The following BMAL2 variants were observed in gnomAD, a reference collection of about 807,000 sequenced individuals.
BMAL2 encodes the protein basic helix-loop-helix ARNT-like protein 2.
the BMAL2 span, among the ~76,000 whole-genome samples, chr12:27,372,619 G>A: frequency 2.2e-4 from 33 of 152,152 alleles, no homozygotes; most frequent in Non-Finnish European, 4.4e-4. Context: ...ATTCCCATGA[G>A]TAGTGTACAA....
At chr12:27,368,339 G>A in the BMAL2 span, 1 of 1,614,156 alleles carries the variant, frequency 6.2e-7, no homozygotes, top group Non-Finnish European at 8.5e-7. Context: ...AAGACCAACA[G>A]CTATGGGGTC....
chr12:27,403,863 G>A, the BMAL2 span, among the ~76,000 whole-genome samples: 11 of 152,004 alleles, frequency 7.2e-5, no homozygotes, highest in Non-Finnish European at 4.4e-5. Context: ...TGTGGATCTA[G>A]TCAAAATACC....
chr12:27,403,184 A>C, the BMAL2 span, among the ~76,000 whole-genome samples: 1 of 152,234 alleles, frequency 6.6e-6, no homozygotes, highest in Admixed American at 6.5e-5. Context: ...ACATTGAAGT[A>C]GTATTGCTGT....
At chr12:27,342,497 A>G in the BMAL2 span, among the ~76,000 whole-genome samples, 1 of 152,352 alleles carries the variant, frequency 6.6e-6, no homozygotes, top group Admixed American at 6.5e-5. Context: ...ATTGAAATTG[A>G]TTGAATACTT....
At chr12:27,377,706 A>G in the BMAL2 span, among the ~76,000 whole-genome samples, 1 of 152,240 alleles carries the variant, frequency 6.6e-6, no homozygotes, top group Non-Finnish European at 1.5e-5. Flanking sequence ...ATACAACTGC[A>G]CTGCAACCTG....
chr12:27,389,363 C>T, the BMAL2 span: 3 of 1,103,388 alleles, frequency 2.7e-6, no homozygotes, highest in Non-Finnish European at 4.0e-6. Context: ...AGTTTAGCTA[C>T]ACAGTGTTTT....
At chr12:27,408,520 A>G in the BMAL2 span, among the ~76,000 whole-genome samples, 2 of 152,354 alleles carry the variant, frequency 1.3e-5, no homozygotes, top group South Asian at 4.1e-4. Flanking sequence ...AGATGCAGAA[A>G]AGACCTTTGA....
At chr12:27,369,704 G>A in the BMAL2 span, among the ~76,000 whole-genome samples, 1 of 152,158 alleles carries the variant, frequency 6.6e-6, no homozygotes, top group Non-Finnish European at 1.5e-5. Context: ...TTTAGCAATT[G>A]AAGTAGAAAC....
At chr12:27,379,445 A>G in the BMAL2 span, among the ~76,000 whole-genome samples, 1 of 152,180 alleles carries the variant, frequency 6.6e-6, no homozygotes, top group African/African-American at 2.4e-5. Context: ...GGTGCTAAGC[A>G]GGGAATCTTA....
chr12:27,332,863 G>A, the BMAL2 span: 1 of 192,704 alleles, frequency 5.2e-6, no homozygotes, highest in Non-Finnish European at 1.0e-5. Flanking sequence ...GCTCCAGTCC[G>A]CATGCTCAGT....
the BMAL2 span, among the ~76,000 whole-genome samples, chr12:27,414,439 A>C: frequency 5.3e-5 from 8 of 152,244 alleles, no homozygotes; most frequent in Non-Finnish European, 7.3e-5. Flanking sequence ...AGAGCATGGA[A>C]GTCCTATCAG....
the BMAL2 span, among the ~76,000 whole-genome samples, chr12:27,341,544 T>A: frequency 0.068 from 10,356 of 152,272 alleles, 463 homozygotes; most frequent in Non-Finnish European, 0.1. Context: ...TAAATATACT[T>A]CACATTCTTC....
the BMAL2 span, chr12:27,370,154 G>A: frequency 1.9e-6 from 3 of 1,614,030 alleles, no homozygotes; most frequent in Admixed American, 5.0e-5. Context: ...AGAAAAAGTG[G>A]TGGAAAAGCT....
chr12:27,379,201 AG>A, the BMAL2 span, among the ~76,000 whole-genome samples: 1 of 152,222 alleles, frequency 6.6e-6, no homozygotes, highest in Admixed American at 6.5e-5. Context: ...ATAAATCAGG[AG>A]TAGTACAGGA....
the BMAL2 span, among the ~76,000 whole-genome samples, chr12:27,407,993 G>A: frequency 1.3e-5 from 2 of 152,114 alleles, no homozygotes; most frequent in Non-Finnish European, 2.9e-5. Flanking sequence ...AGAAAATCTA[G>A]AAGAAATGGA....
the BMAL2 span, among the ~76,000 whole-genome samples, chr12:27,372,819 G>A: frequency 3.3e-5 from 5 of 151,888 alleles, no homozygotes; most frequent in African/African-American, 7.3e-5. Flanking sequence ...GACTACAGGC[G>A]CCCACCACCA....
chr12:27,381,945 C>T, the BMAL2 span, among the ~76,000 whole-genome samples: 1 of 152,072 alleles, frequency 6.6e-6, no homozygotes, highest in Admixed American at 6.5e-5. Flanking sequence ...CAAACACTGC[C>T]AGGAAAAGGA....
At chr12:27,337,865 T>G in the BMAL2 span, among the ~76,000 whole-genome samples, 1 of 152,220 alleles carries the variant, frequency 6.6e-6, no homozygotes, top group African/African-American at 2.4e-5. Context: ...CTTCAACAAA[T>G]GATTTTCCCC....
the BMAL2 span, chr12:27,370,063 G>T: frequency 8.4e-7 from 1 of 1,193,746 alleles, no homozygotes; most frequent in South Asian, 1.2e-5. Context: ...TCCACTTGAG[G>T]ACAGGCTTGC....
Sources: allele counts gnomAD v4.1 joint callset (sites outside exome capture counted in the v4.1 genomes callset), GRCh38; gene constraint gnomAD v4.1.1; transcripts MANE v1.5; gene names NCBI Gene and HGNC (gene_info 2026-07-23, HGNC 2026-07-21).